TDRD9: variants seen among roughly 807,000 people sequenced by gnomAD.
TDRD9 encodes ATP-dependent RNA helicase TDRD9.
A neutral mutation model predicts 172.6 loss-of-function variants in TDRD9; 124 were observed. The ratio of observed to expected loss-of-function variants is 0.72; its 90% confidence interval spans 0.62 to 0.83. The LOEUF (loss-of-function observed/expected upper bound fraction) is 0.83. Among genes scored for constraint, TDRD9 ranks in the 40% least tolerant of loss-of-function variants. The pLI is 0.00. For synonymous variants in TDRD9, 619 were observed against 617.1 expected, an observed-to-expected ratio of 1.00 and a Z score of -0.05; for missense variants, 1,479 against 1,714.1, an observed-to-expected ratio of 0.86 and a Z score of 2.42.
At chr14:103,999,626 T>G (rs188305330) in intron 13 of TDRD9, among the ~76,000 whole-genome samples, 45 of 150,308 alleles carry the variant, frequency 3.0e-4, no homozygotes, top group Admixed American at 2.1e-3. Flanking sequence ...TGGCTTTTTT[T>G]TTTGTTTGTT....
At chr14:103,990,693 G>T (rs1443377413) in intron 8 of TDRD9, among the ~76,000 whole-genome samples, 1 of 152,176 alleles carries the variant, frequency 6.6e-6, no homozygotes. Context: ...ATGTAGGAAG[G>T]GCTCACAGGT....
intron 1 of TDRD9, among the ~76,000 whole-genome samples, chr14:103,937,304 A>G (rs2030832665): frequency 6.6e-6 from 1 of 152,126 alleles, no homozygotes; most frequent in South Asian, 2.1e-4. Flanking sequence ...TGTGTCTTGA[A>G]GATAGCAAGC....
chr14:103,965,234 A>C (rs2032684105), intron 3 of TDRD9, 99 bp from the exon 4 acceptor site: 1 of 1,252,136 alleles, frequency 8.0e-7, no homozygotes, highest in Non-Finnish European at 1.1e-6. Context: ...ACAAAACTTT[A>C]AGATGAAAGA....
chr14:103,978,550 G>A (rs922833578), intron 7 of TDRD9, among the ~76,000 whole-genome samples: 14 of 152,110 alleles, frequency 9.2e-5, no homozygotes, highest in Non-Finnish European at 1.6e-4. Context: ...AGGTTTGGTC[G>A]CGATGTTTCC....
chr14:104,034,486 A>G (rs555493749), intron 31 of TDRD9, among the ~76,000 whole-genome samples: 138 of 152,280 alleles, frequency 9.1e-4, no homozygotes, highest in African/African-American at 3.2e-3. Flanking sequence ...CACCGCGCCC[A>G]GCTTACGTGC....
At chr14:104,005,435 G>T in intron 15 of TDRD9, 30 bp downstream of exon 15, 1 of 1,612,992 alleles carries the variant, frequency 6.2e-7, no homozygotes, top group Non-Finnish European at 8.5e-7. Flanking sequence ...AGTACTGTTG[G>T]CATCTGTAGA....
At chr14:103,955,838 C>A in intron 2 of TDRD9, 68 bp downstream of exon 2, 2 of 1,318,214 alleles carry the variant, frequency 1.5e-6, no homozygotes, top group Non-Finnish European at 2.1e-6. Flanking sequence ...ATATTAGGTT[C>A]ATAGTGCATG....
intron 7 of TDRD9, among the ~76,000 whole-genome samples, chr14:103,981,125 G>A (rs1318991100): frequency 2.0e-5 from 3 of 151,990 alleles, no homozygotes; most frequent in Non-Finnish European, 2.9e-5. Flanking sequence ...GTGGCTTGCC[G>A]CCCACACCTG....
intron 32 of TDRD9, among the ~76,000 whole-genome samples, chr14:104,039,490 G>T (rs1269233562): frequency 6.6e-6 from 1 of 152,222 alleles, no homozygotes; most frequent in African/African-American, 2.4e-5. Context: ...AGGCAAGGGA[G>T]TAACATTGTA....
At chr14:104,051,138 C>T (rs983533964) in intron 35 of TDRD9, among the ~76,000 whole-genome samples, 16 of 152,106 alleles carry the variant, frequency 1.1e-4, no homozygotes, top group African/African-American at 2.2e-4. Flanking sequence ...TAGTGGTCCC[C>T]GGTGTTTCTT....
chr14:104,037,380 G>A (rs537946330), intron 32 of TDRD9, among the ~76,000 whole-genome samples: 6 of 152,328 alleles, frequency 3.9e-5, no homozygotes, highest in African/African-American at 1.4e-4. Context: ...TGCACTAGAG[G>A]CTGTCCTGGC....
At chr14:103,943,921 T>A (rs543373489) in intron 1 of TDRD9, among the ~76,000 whole-genome samples, 1 of 152,328 alleles carries the variant, frequency 6.6e-6, no homozygotes, top group South Asian at 2.1e-4. Context: ...CAGGACTGAT[T>A]ATTGTCAACT....
intron 2 of TDRD9, among the ~76,000 whole-genome samples, chr14:103,956,104 AAAAAAAAATATATATATATATATAT>A (rs1490252806): frequency 4.6e-4 from 24 of 51,764 alleles, no homozygotes; most frequent in African/African-American, 2.0e-3. Context: ...AAAAAAAAAA[AAAAAAAAATATATATATATATATAT>A]ATATATATAT....
At chr14:104,029,598 A>G (rs993458386) in intron 28 of TDRD9, among the ~76,000 whole-genome samples, 3 of 152,184 alleles carry the variant, frequency 2.0e-5, no homozygotes, top group African/African-American at 7.2e-5. Flanking sequence ...TTTTCTATAT[A>G]TAAGATCATG....
chr14:104,005,056 C>T (rs967521702), intron 14 of TDRD9: 3 of 364,260 alleles, frequency 8.2e-6, no homozygotes, highest in South Asian at 8.5e-5. Context: ...TTTTTTCTTC[C>T]TTCTCTCTCC....
At chr14:104,047,713 T>C (rs751808598) in intron 34 of TDRD9, among the ~76,000 whole-genome samples, 1 of 152,210 alleles carries the variant, frequency 6.6e-6, no homozygotes, top group Non-Finnish European at 1.5e-5. Context: ...GTCTCTTTCC[T>C]TTTTGTGCTT....
intron 2 of TDRD9, among the ~76,000 whole-genome samples, chr14:103,959,476 GTGTGTATGTA>G: frequency 7.4e-6 from 1 of 135,582 alleles, no homozygotes; most frequent in Non-Finnish European, 1.6e-5. Context: ...GTGTGTGTGT[GTGTGTATGTA>G]TACATACACA....
At position 104,026,948 on chromosome 14, in the gene TDRD9, T is replaced by C. The variant is rs1356533841; in HGVS notation, c.3282+9T>C. 1.9e-6 allele frequency: 3 copies of C among 1,610,474 alleles called. No individual in the cohort carries two copies. Among genetic ancestry groups the C allele is most frequent in the Non-Finnish European group, 2.5e-6 (3 of 1,177,308 alleles). On this transcript the variant is annotated intron_variant, in intron 28 of 35. Coordinates refer to ENST00000409874, the MANE Select transcript of TDRD9 (RefSeq NM_153046.3). ...AGTCCTACGAGTCCAAGGTGTGTGC[T>C]TTCGCCGTTGCTGGAGCACGCGTTT...
intron 9 of TDRD9, among the ~76,000 whole-genome samples, chr14:103,992,576 C>T (rs1013301332): frequency 4.6e-5 from 7 of 152,068 alleles, no homozygotes; most frequent in Admixed American, 1.3e-4. Context: ...TAACATGGGC[C>T]GGGCACAGTG....
Sources: allele counts gnomAD v4.1 joint callset (sites outside exome capture counted in the v4.1 genomes callset), GRCh38; gene constraint gnomAD v4.1.1; transcripts MANE v1.5; gene names NCBI Gene and HGNC (gene_info 2026-07-23, HGNC 2026-07-21).